Variants in FMN1 observed in about 807,000 individuals in gnomAD.
FMN1 encodes formin 1.
Under a neutral mutation model 132.4 loss-of-function variants are expected in FMN1, and 110 were observed. That is an observed-to-expected ratio of 0.83 (90% CI 0.71 to 0.97). The LOEUF is 0.97. Among genes scored for constraint, FMN1 ranks in the 50% least tolerant of loss-of-function variants. FMN1 has a pLI of 0.00. For synonymous variants in FMN1, 722 were observed against 651.7 expected, an observed-to-expected ratio of 1.11 and a Z score of -1.64; for missense variants, 1,792 against 1,705.3, an observed-to-expected ratio of 1.05 and a Z score of -0.90.
intron 6 of FMN1, among the ~76,000 whole-genome samples, chr15:33,021,921 T>C (rs752597025): frequency 6.6e-6 from 1 of 152,138 alleles, no homozygotes; most frequent in African/African-American, 2.4e-5. Context: ...ACAAATCTTC[T>C]AGAAAAGGCA....
rs370853923 is a variant in FMN1, at chr15:32,898,840, A to G, written c.3708T>C (p.Tyr1236=). Residue 1236 remains tyrosine (Y), a synonymous_variant, in exon 15 of 21, where the codon TAT becomes TAC. Coordinates refer to ENST00000616417, the MANE Select transcript of FMN1 (RefSeq NM_001277313.2). ...DYVVKYYLRY[Y]DQEAGTEKSV... ...ACGTAATACCATTTCTTACCTGATCATAGTAACGCAGGTAATACTTAACAA... is the reference window on the plus strand; with the variant it reads ...ACGTAATACCATTTCTTACCTGATCGTAGTAACGCAGGTAATACTTAACAA... 1,567 of 1,593,408 alleles carry G rather than the reference A, an allele frequency of 9.8e-4. 26 individuals are homozygous for G. The South Asian group carries it at 0.016, about 17-fold the overall frequency.
intron 19 of FMN1, among the ~76,000 whole-genome samples, chr15:32,785,218 A>ATATATATATTTTTTTTTTTT (rs1444523400): frequency 3.8e-4 from 15 of 39,202 alleles, no homozygotes; most frequent in Non-Finnish European, 3.6e-4. Context: ...ATATATATAT[A>ATATATATATTTTTTTTTTTT]TTTTTTTTTT....
chr15:32,981,336 G>A (rs970557692), intron 7 of FMN1, among the ~76,000 whole-genome samples: 7 of 151,360 alleles, frequency 4.6e-5, no homozygotes, highest in African/African-American at 9.7e-5. Flanking sequence ...CTAAAAATAC[G>A]AAAAAAATTA....
chr15:33,189,893 A>G (rs1373899344), intron 2 of FMN1, among the ~76,000 whole-genome samples: 2 of 152,256 alleles, frequency 1.3e-5, no homozygotes, highest in Non-Finnish European at 2.9e-5. Flanking sequence ...AGAATAGAGC[A>G]TCAACAAACT....
At chr15:33,004,208 T>C (rs1424230124) in intron 7 of FMN1, among the ~76,000 whole-genome samples, 2 of 152,018 alleles carry the variant, frequency 1.3e-5, no homozygotes, top group Non-Finnish European at 2.9e-5. Context: ...CTAATTAAAC[T>C]AAAGAGCTTC....
In FMN1 at chr15:33,170,003, C is replaced by T. The variant is rs76656463; in HGVS notation, c.-132+10195G>A. On this transcript the variant is annotated intron_variant, in intron 3 of 20. Transcript: ENST00000616417. ...AAGCCCAATACCATCAGAAGAAAGA[C>T]GCATTTAGCTGCATTTATTTAAGCC... 4.3e-3 allele frequency among the ~76,000 whole-genome samples: 652 copies of T among 152,130 alleles called. 4 individuals carry two copies. The highest frequency in any genetic ancestry group is 0.015 in the African/African-American group (604 of 41,524).
chr15:33,184,791 A>C (rs1009273015), intron 2 of FMN1, among the ~76,000 whole-genome samples: 4 of 152,200 alleles, frequency 2.6e-5, no homozygotes, highest in Non-Finnish European at 4.4e-5. Flanking sequence ...GGTAAGAACC[A>C]CCGCGCCCAG....
At chr15:32,820,273 T>C (rs1231929113) in intron 17 of FMN1, among the ~76,000 whole-genome samples, 1 of 152,184 alleles carries the variant, frequency 6.6e-6, no homozygotes, top group Non-Finnish European at 1.5e-5. Context: ...GATTCATGAT[T>C]ACATAAAAAG....
At chr15:32,984,031 TCTTC>T (rs2032887550) in intron 7 of FMN1, among the ~76,000 whole-genome samples, 1 of 152,046 alleles carries the variant, frequency 6.6e-6, no homozygotes, top group East Asian at 1.9e-4. Flanking sequence ...ATGTCTCATT[TCTTC>T]CCCTGTCTCT....
chr15:32,880,168 AG>A (rs34351478), intron 16 of FMN1, among the ~76,000 whole-genome samples: 43,621 of 151,774 alleles, frequency 0.29, 6,871 homozygotes, highest in African/African-American at 0.42. Flanking sequence ...TGGTTAGACT[AG>A]CGTTTGGTGT....
intron 15 of FMN1, among the ~76,000 whole-genome samples, chr15:32,897,071 CT>C (rs1242929460): frequency 6.6e-6 from 1 of 152,162 alleles, no homozygotes; most frequent in African/African-American, 2.4e-5. Context: ...CTTGTCAACA[CT>C]TGCTATTTTC....
At chr15:32,809,391 T>C (rs985180234) in intron 17 of FMN1, among the ~76,000 whole-genome samples, 15 of 152,184 alleles carry the variant, frequency 9.9e-5, no homozygotes, top group South Asian at 2.1e-4. Flanking sequence ...AAGTGAACTA[T>C]GCCCCTTTTC....
At chr15:32,992,934 A>T (rs565994708) in intron 7 of FMN1, among the ~76,000 whole-genome samples, 4 of 152,306 alleles carry the variant, frequency 2.6e-5, no homozygotes, top group South Asian at 4.1e-4. Flanking sequence ...CACTAACTTT[A>T]TTTTTCATGG....
intron 6 of FMN1, among the ~76,000 whole-genome samples, chr15:33,010,138 C>T (rs375304120): frequency 6.4e-4 from 97 of 152,278 alleles, no homozygotes; most frequent in African/African-American, 2.3e-3. Flanking sequence ...CCCCCCTCGG[C>T]TTCTCAAAGT....
At chr15:32,782,750 T>G (rs1159847793) in intron 19 of FMN1, among the ~76,000 whole-genome samples, 2 of 152,220 alleles carry the variant, frequency 1.3e-5, no homozygotes, top group Non-Finnish European at 2.9e-5. Flanking sequence ...AAATGTTGGC[T>G]CTAATGTCCA....
chr15:33,082,713 C>T (rs1160858941), intron 5 of FMN1, among the ~76,000 whole-genome samples: 1 of 152,142 alleles, frequency 6.6e-6, no homozygotes, highest in Non-Finnish European at 1.5e-5. Flanking sequence ...ACTGACTCTT[C>T]AGGCTAACTT....
At chr15:32,832,507 C>A (rs548312646) in intron 17 of FMN1, among the ~76,000 whole-genome samples, 1 of 151,992 alleles carries the variant, frequency 6.6e-6, no homozygotes, top group South Asian at 2.1e-4. Context: ...GGGCTGGGTG[C>A]GGTGGCTCAC....
At chr15:33,118,039 A>G (rs2124170) in intron 4 of FMN1, among the ~76,000 whole-genome samples, 151,015 of 152,290 alleles carry the variant, frequency 0.99, 74,881 homozygotes, top group East Asian at 1. Context: ...TGAATTTGCA[A>G]AAATTTTCTA....
chr15:32,881,570 C>T (rs1240834853), intron 16 of FMN1, among the ~76,000 whole-genome samples: 1 of 152,130 alleles, frequency 6.6e-6, no homozygotes, highest in Non-Finnish European at 1.5e-5. Flanking sequence ...AGTGACTTTT[C>T]CCCCTTACTA....
Sources: gnomAD v4.1 joint callset for allele counts (sites outside exome capture counted in the v4.1 genomes callset) on GRCh38, gnomAD v4.1.1 for gene constraint, MANE v1.5 for transcripts, NCBI Gene and HGNC (gene_info 2026-07-23, HGNC 2026-07-21) for gene names.